TNFAIP8: variants seen among roughly 807,000 people sequenced by gnomAD.
The protein encoded by TNFAIP8 is TNF alpha induced protein 8, also known as tumor necrosis factor alpha-induced protein 8.
A neutral mutation model predicts 13.3 loss-of-function variants in TNFAIP8; 7 were observed. The observed-to-expected ratio is 0.52, with a 90% CI of 0.30 to 0.99. The LOEUF (loss-of-function observed/expected upper bound fraction) is 0.99. TNFAIP8 is among the 50% of genes least tolerant of loss of function. The probability of loss-of-function intolerance (pLI) is 0.07; values close to 1 mark genes in which losing one functional copy is unlikely to be tolerated. For missense variants in TNFAIP8, 258 were observed against 236.9 expected, an observed-to-expected ratio of 1.09 and a Z score of -0.58; for synonymous variants, 94 against 87.6, an observed-to-expected ratio of 1.07 and a Z score of -0.41.
intron 1 of TNFAIP8, among the ~76,000 whole-genome samples, chr5:119,303,483 T>C (rs1749456683): frequency 1.3e-5 from 2 of 152,188 alleles, no homozygotes; most frequent in Non-Finnish European, 1.5e-5. Context: ...TCAGTAAAGC[T>C]ACATACCTTG....
At chr5:119,368,473 G>C (rs888858446) in intron 1 of TNFAIP8, among the ~76,000 whole-genome samples, 3 of 149,656 alleles carry the variant, frequency 2.0e-5, no homozygotes, top group African/African-American at 7.5e-5. Flanking sequence ...GTGTGTGTTT[G>C]TGTTGGGGTT....
chr5:119,347,864 A>G (rs1750964463), intron 1 of TNFAIP8, among the ~76,000 whole-genome samples: 1 of 152,182 alleles, frequency 6.6e-6, no homozygotes, highest in South Asian at 2.1e-4. Context: ...AGTTGGCACA[A>G]TTGTTAATAG....
At chr5:119,268,831 G>A in exon 1 of TNFAIP8, 1 of 702,362 alleles carries the variant, frequency 1.4e-6, no homozygotes, top group South Asian at 1.5e-5. Context: ...GAGCCACCGA[G>A]AGAGCAGAGA....
chr5:119,395,558 A>T lies in TNFAIP8; in HGVS notation c.*2177A>T, dbSNP rs1208583064. The T allele has an allele frequency of 1.3e-5, 2 of 152,070 alleles. No homozygotes were observed. The highest frequency in any genetic ancestry group is 4.8e-5 in the African/African-American group (2 of 41,374). 9.4% of individuals were successfully genotyped at this position (152,070 alleles called of 1,614,324 possible). A position where few individuals can be genotyped will look rare whatever the true frequency, so the allele number is the denominator to read the frequency against. On this transcript the variant is annotated 3_prime_UTR_variant, in exon 2 of 2. Transcript: ENST00000504771. ...AATCAAATGTGCATGGGATTGGGGG[A>T]GCAATGCTTCATCTCCCACAGAGGG... is the stretch of plus-strand genomic sequence containing the variant.
chr5:119,380,631 A>G (rs7722068), intron 1 of TNFAIP8, among the ~76,000 whole-genome samples: 4,981 of 152,340 alleles, frequency 0.033, 246 homozygotes, highest in African/African-American at 0.11. Flanking sequence ...TCAACATAAT[A>G]AATAAGGAAG....
chr5:119,362,939 C>G (rs1751690760), intron 1 of TNFAIP8, among the ~76,000 whole-genome samples: 1 of 152,124 alleles, frequency 6.6e-6, no homozygotes, highest in Admixed American at 6.5e-5. Context: ...GGAGCCTCGC[C>G]AAGAAAGTGT....
intron 1 of TNFAIP8, among the ~76,000 whole-genome samples, chr5:119,301,348 A>G (rs1199154240): frequency 2.0e-5 from 3 of 152,156 alleles, no homozygotes; most frequent in Admixed American, 6.5e-5. Flanking sequence ...CCCAGTGACT[A>G]TAATTCCCTT....
chr5:119,320,326 C>T (rs1750017153), intron 1 of TNFAIP8, among the ~76,000 whole-genome samples: 2 of 152,174 alleles, frequency 1.3e-5, no homozygotes, highest in African/African-American at 4.8e-5. Context: ...TTCTCTTGCA[C>T]ATCAATTTCT....
In TNFAIP8 at chr5:119,398,149, G is replaced by T. The variant is rs371637105; in HGVS notation, c.*4768G>T. On this transcript the variant is annotated 3_prime_UTR_variant, in exon 2 of 2. Transcript: ENST00000504771. ...TAAGATTAGACAGCCAGTGGATAAG[G>T]CCCCTTATCTTTCTTCATGGATGGC... 4.6e-5 allele frequency: 7 copies of T among 152,278 alleles called. No homozygotes were observed. The highest frequency in any genetic ancestry group is 4.1e-4 in the South Asian group (2 of 4,830). The allele number at this position is 152,278 out of a possible 1,614,324, so 9.4% of individuals were successfully genotyped here. A position where few individuals can be genotyped will look rare whatever the true frequency, so the allele number is the denominator to read the frequency against.
At chr5:119,288,271 GT>G (rs967549257) in intron 1 of TNFAIP8, among the ~76,000 whole-genome samples, 2 of 152,028 alleles carry the variant, frequency 1.3e-5, no homozygotes, top group African/African-American at 4.8e-5. Flanking sequence ...CACTTGATAT[GT>G]TTCTAAATGA....
At chr5:119,311,441 C>G (rs1749724392) in intron 1 of TNFAIP8, among the ~76,000 whole-genome samples, 1 of 151,876 alleles carries the variant, frequency 6.6e-6, no homozygotes, top group Non-Finnish European at 1.5e-5. Flanking sequence ...CCTGTAATCT[C>G]AGCACTTTGG....
rs1562039271 is a variant in TNFAIP8, at chr5:119,393,389, AG to A, written c.*9del. 5.6e-6 allele frequency: 9 copies of A among 1,605,756 alleles called. No homozygotes were observed. The highest frequency in any genetic ancestry group is 7.7e-6 in the Non-Finnish European group (9 of 1,174,504). On this transcript the variant is annotated 3_prime_UTR_variant, in exon 2 of 2. Transcript: ENST00000504771. ...GATGAAGAGAACATATGAGCACATGAGTTAAGATTGTGACTGATCATGATTT... is the reference window on the plus strand; with the variant it reads ...GATGAAGAGAACATATGAGCACATGATTAAGATTGTGACTGATCATGATTT...
intron 1 of TNFAIP8, among the ~76,000 whole-genome samples, chr5:119,313,958 CAAAATT>C (rs1368512927): frequency 6.6e-6 from 1 of 152,162 alleles, no homozygotes; most frequent in African/African-American, 2.4e-5. Flanking sequence ...AAGGGACAAA[CAAAATT>C]AAGTTAGTTT....
At chr5:119,333,591 T>G in intron 1 of TNFAIP8, 1 of 1,535,634 alleles carries the variant, frequency 6.5e-7, no homozygotes, top group Non-Finnish European at 8.7e-7. Context: ...ACTGTGAAGT[T>G]GTCCTTCTGA....
intron 1 of TNFAIP8, among the ~76,000 whole-genome samples, chr5:119,282,839 C>T (rs780451099): frequency 6.6e-6 from 1 of 152,188 alleles, no homozygotes; most frequent in Non-Finnish European, 1.5e-5. Flanking sequence ...CATTTCTTGC[C>T]CATCACAACC....
intron 1 of TNFAIP8, among the ~76,000 whole-genome samples, chr5:119,381,163 G>A (rs1182759398): frequency 6.6e-6 from 1 of 152,210 alleles, no homozygotes; most frequent in Non-Finnish European, 1.5e-5. Context: ...CGGCGCTTCT[G>A]TGGTGGACGG....
chr5:119,350,861 C>T (rs1355307754), intron 1 of TNFAIP8, among the ~76,000 whole-genome samples: 1 of 152,208 alleles, frequency 6.6e-6, no homozygotes, highest in East Asian at 1.9e-4. Context: ...ATCTTCCTCT[C>T]ACATGGTTCT....
At chr5:119,349,977 A>C (rs1056201858) in intron 1 of TNFAIP8, among the ~76,000 whole-genome samples, 1 of 152,258 alleles carries the variant, frequency 6.6e-6, no homozygotes, top group African/African-American at 2.4e-5. Context: ...ATTGTGGTCT[A>C]AAGAACATTA....
intron 1 of TNFAIP8, among the ~76,000 whole-genome samples, chr5:119,304,066 C>G (rs530436450): frequency 1.4e-4 from 21 of 151,980 alleles, no homozygotes; most frequent in Non-Finnish European, 2.8e-4. Flanking sequence ...CTGTCATTCC[C>G]CAGCTTGAAA....
Sources: gnomAD v4.1 joint callset for allele counts (sites outside exome capture counted in the v4.1 genomes callset) on GRCh38, gnomAD v4.1.1 for gene constraint, MANE v1.5 for transcripts, NCBI Gene and HGNC (gene_info 2026-07-23, HGNC 2026-07-21) for gene names.